The following CNTNAP5 variants were observed in gnomAD, a reference collection of about 807,000 sequenced individuals.
The protein encoded by CNTNAP5 is contactin associated protein family member 5.
CNTNAP5 carries 72 observed loss-of-function variants against 150.2 expected under a neutral mutation model. The observed-to-expected ratio is 0.48, with a 90% CI of 0.40 to 0.58. CNTNAP5 has a LOEUF of 0.58. Among genes scored for constraint, CNTNAP5 ranks in the 20% least tolerant of loss-of-function variants. The pLI is 0.00. For synonymous variants in CNTNAP5, 672 were observed against 619.8 expected (o/e 1.08, Z -1.25); for missense variants, 1,636 against 1,626.2 (o/e 1.01, Z -0.10).
At chr2:124,868,255 G>T (rs1323562487) in intron 20 of CNTNAP5, among the ~76,000 whole-genome samples, 1 of 152,132 alleles carries the variant, frequency 6.6e-6, no homozygotes, top group South Asian at 2.1e-4. Flanking sequence ...CTCGTACAGA[G>T]AAAAAGTCAA....
At chr2:124,305,831 T>C (rs1688675702) in intron 3 of CNTNAP5, among the ~76,000 whole-genome samples, 1 of 152,228 alleles carries the variant, frequency 6.6e-6, no homozygotes, top group Non-Finnish European at 1.5e-5. Flanking sequence ...TATAAATTTC[T>C]TTTAAAAAAT....
chr2:124,537,019 G>A (rs544707035), intron 10 of CNTNAP5, among the ~76,000 whole-genome samples: 1 of 151,934 alleles, frequency 6.6e-6, no homozygotes, highest in Non-Finnish European at 1.5e-5. Flanking sequence ...GTGACAATGT[G>A]TGGTGTGTGT....
intron 2 of CNTNAP5, among the ~76,000 whole-genome samples, chr2:124,235,630 T>C (rs1475157847): frequency 6.6e-6 from 1 of 152,178 alleles, no homozygotes; most frequent in East Asian, 1.9e-4. Context: ...CTCTGCCTCA[T>C]CTTCCTGGGA....
At chr2:124,911,602 A>G (rs763214430) in intron 23 of CNTNAP5, 64 bp downstream of exon 23, 1 of 1,306,778 alleles carries the variant, frequency 7.7e-7, no homozygotes, top group African/African-American at 1.5e-5. Flanking sequence ...GGAGAAAGTT[A>G]TCTGAAGCTT....
At chr2:124,157,630 C>T (rs1301111875) in intron 1 of CNTNAP5, among the ~76,000 whole-genome samples, 1 of 152,182 alleles carries the variant, frequency 6.6e-6, no homozygotes, top group East Asian at 1.9e-4. Context: ...AATTCCACTT[C>T]TATTAAATAG....
intron 1 of CNTNAP5, among the ~76,000 whole-genome samples, chr2:124,061,640 T>C (rs1395204248): frequency 6.6e-6 from 1 of 152,184 alleles, no homozygotes; most frequent in Admixed American, 6.5e-5. Context: ...TTAGGTTGTA[T>C]ATCTAAGACA....
Position 124,564,760 on chromosome 2 carries a change from C to T in CNTNAP5, c.1756+1437C>T, listed in dbSNP as rs139081129. Among the ~76,000 whole-genome samples, 945 of 152,280 alleles carry T rather than the reference C, an allele frequency of 6.2e-3. 1 individual carries two copies. The highest frequency in any genetic ancestry group is 0.027 in the Middle Eastern group (8 of 294). On this transcript the variant is annotated intron_variant, in intron 11 of 23. Transcript: ENST00000682447. ...AGTCAGAGAAATGTATGCCCAACTACGGACTATAAGTGTGATTGAGAAAGA... is the reference window on the plus strand; with the variant it reads ...AGTCAGAGAAATGTATGCCCAACTATGGACTATAAGTGTGATTGAGAAAGA...
At chr2:124,122,881 G>C (rs1347200856) in intron 1 of CNTNAP5, among the ~76,000 whole-genome samples, 1 of 151,230 alleles carries the variant, frequency 6.6e-6, no homozygotes, top group African/African-American at 2.4e-5. Flanking sequence ...TCAAGGTCTA[G>C]TGATAAGAAA....
intron 1 of CNTNAP5, among the ~76,000 whole-genome samples, chr2:124,094,231 G>A (rs1192383259): frequency 1.3e-5 from 2 of 152,230 alleles, no homozygotes; most frequent in South Asian, 2.1e-4. Flanking sequence ...TTAACATGCA[G>A]TAATCAGCAT....
chr2:124,430,192 A>T (rs1199633813), intron 4 of CNTNAP5, among the ~76,000 whole-genome samples: 3 of 152,152 alleles, frequency 2.0e-5, no homozygotes, highest in Non-Finnish European at 4.4e-5. Context: ...TCGTGGTCCA[A>T]GTGGGCAGCG....
chr2:124,364,757 A>T (rs1690321389), intron 3 of CNTNAP5, among the ~76,000 whole-genome samples: 1 of 152,236 alleles, frequency 6.6e-6, no homozygotes, highest in African/African-American at 2.4e-5. Context: ...TAACTGCATT[A>T]AGTATAATAC....
Position 124,598,864 on chromosome 2 carries a change from C to T in CNTNAP5, c.1757-10937C>T, listed in dbSNP as rs571402232. 7.3e-3 allele frequency among the ~76,000 whole-genome samples: 1,118 copies of T among 152,230 alleles called. 12 individuals carry two copies. Among genetic ancestry groups the T allele is most frequent in the African/African-American group, 0.024 (1,012 of 41,546 alleles). On this transcript the variant is annotated intron_variant, in intron 11 of 23. Transcript: ENST00000682447. ...TCTTGTGGTGCGCCGTTTTTTAAGC[C>T]GGTCTGAAAAGCGCAATATTCGGGT... is the stretch of plus-strand genomic sequence containing the variant.
At chr2:124,200,244 A>T (rs998664345) in intron 1 of CNTNAP5, among the ~76,000 whole-genome samples, 3 of 152,194 alleles carry the variant, frequency 2.0e-5, no homozygotes, top group Non-Finnish European at 4.4e-5. Context: ...CAATTTGGTA[A>T]ATAATATTAA....
At chr2:124,291,765 G>T (rs1159428086) in intron 3 of CNTNAP5, among the ~76,000 whole-genome samples, 2 of 152,104 alleles carry the variant, frequency 1.3e-5, no homozygotes, top group African/African-American at 4.8e-5. Context: ...ATTAAAAATA[G>T]ATGCAAAATT....
In CNTNAP5 at chr2:124,706,824, GGAA is replaced by G. The variant is rs1558743055; in HGVS notation, c.2078-40402_2078-40400del. The stretch of plus-strand genomic sequence containing the variant: ...AGGAGGAGGAGGAGGAGGAGGAGGA[GGAA>G]GAGGAGGAGGGGGAGGAAGGAGGAG... On this transcript the variant is annotated intron_variant, in intron 13 of 23. Coordinates refer to ENST00000682447, the MANE Select transcript of CNTNAP5 (RefSeq NM_001367498.1). 4.8e-3 allele frequency among the ~76,000 whole-genome samples: 24 copies of G among 4,950 alleles called. 1 individual carries two copies. The highest frequency in any genetic ancestry group is 0.013 in the South Asian group (1 of 78). 3.2% of individuals were successfully genotyped at this position (4,950 alleles called of 152,430 possible).
At chr2:124,491,528 T>G (rs1356594786) in intron 7 of CNTNAP5, among the ~76,000 whole-genome samples, 1 of 152,292 alleles carries the variant, frequency 6.6e-6, no homozygotes, top group Non-Finnish European at 1.5e-5. Flanking sequence ...ATGTTTTGGC[T>G]ATTGTAGATA....
At chr2:124,150,829 C>T (rs1206739755) in intron 1 of CNTNAP5, among the ~76,000 whole-genome samples, 1 of 152,148 alleles carries the variant, frequency 6.6e-6, no homozygotes, top group South Asian at 2.1e-4. Context: ...TCAATATGTG[C>T]ATTTGTGGGG....
At chr2:124,234,541 T>C (rs1175543778) in intron 2 of CNTNAP5, among the ~76,000 whole-genome samples, 1 of 152,164 alleles carries the variant, frequency 6.6e-6, no homozygotes, top group East Asian at 1.9e-4. Flanking sequence ...TACATGACAC[T>C]CCCATCCAAG....
intron 14 of CNTNAP5, among the ~76,000 whole-genome samples, chr2:124,757,059 G>A (rs995597765): frequency 4.6e-5 from 7 of 152,186 alleles, no homozygotes; most frequent in Non-Finnish European, 8.8e-5. Flanking sequence ...AACTTCGAGT[G>A]GAGTAAGGAA....
Sources: allele counts gnomAD v4.1 joint callset (sites outside exome capture counted in the v4.1 genomes callset), GRCh38; gene constraint gnomAD v4.1.1; transcripts MANE v1.5; gene names NCBI Gene and HGNC (gene_info 2026-07-23, HGNC 2026-07-21).